GALNT3: variants seen among roughly 807,000 people sequenced by gnomAD.
The protein encoded by GALNT3 is GalNAc transferase 3.
In GALNT3, 51 loss-of-function variants were observed where a neutral mutation model predicts 69.8. That is an observed-to-expected ratio of 0.73 (90% CI 0.58 to 0.92). The LOEUF is 0.92. Among genes scored for constraint, GALNT3 ranks in the 40% least tolerant of loss-of-function variants. GALNT3 has a pLI of 0.00. For missense variants in GALNT3, 711 were observed against 760.0 expected (o/e 0.94, Z 0.76); for synonymous variants, 265 against 248.5 (o/e 1.07, Z -0.63).
Position 165,748,658 on chromosome 2 carries a change from A to T in GALNT3, c.*123T>A. 1.1e-6 allele frequency: 1 copy of T among 901,002 alleles called. No individual in the cohort carries two copies. Among genetic ancestry groups the T allele is most frequent in the Non-Finnish European group, 1.7e-6 (1 of 587,928 alleles). 55.8% of individuals were successfully genotyped at this position (901,002 alleles called of 1,614,324 possible). Reference sequence around the variant, plus strand: ...TGCTACATAAAGATATAAATAAGAAAAATGCACTTGGAATAAGTTACATTT... The same window carrying T: ...TGCTACATAAAGATATAAATAAGAATAATGCACTTGGAATAAGTTACATTT... On this transcript the variant is annotated 3_prime_UTR_variant, in exon 11 of 11. Coordinates refer to ENST00000392701, the MANE Select transcript of GALNT3 (RefSeq NM_004482.4).
At chr2:165,786,032 T>C (rs1045357269) in intron 1 of GALNT3, among the ~76,000 whole-genome samples, 1 of 151,738 alleles carries the variant, frequency 6.6e-6, no homozygotes, top group African/African-American at 2.4e-5. Flanking sequence ...TAGTAAACAA[T>C]ATCTATGTAA....
In GALNT3 at chr2:165,758,886, A is replaced by G. The variant is rs1367504356; in HGVS notation, c.1074-22T>C. 3.5e-6 allele frequency: 5 copies of G among 1,423,896 alleles called. No homozygotes were observed. In the Admixed American group the frequency reaches 6.7e-5, roughly 19 times the overall value. The allele number at this position is 1,423,896 out of a possible 1,614,324, so 88.2% of individuals were successfully genotyped here. ...TGTTCTGAAAAATAATCCATTGTCA[A>G]ATTTTGTTATAAAAACTAAACAAGA... On this transcript the variant is annotated intron_variant, in intron 5 of 10. Transcript: ENST00000392701.
At chr2:165,768,607 G>T (rs1035126392) in intron 2 of GALNT3, among the ~76,000 whole-genome samples, 1 of 152,138 alleles carries the variant, frequency 6.6e-6, no homozygotes, top group African/African-American at 2.4e-5. Context: ...AAGCTACACA[G>T]TTTCAATGTT....
At chr2:165,776,517 C>T (rs148987190) in intron 1 of GALNT3, among the ~76,000 whole-genome samples, 1 of 150,962 alleles carries the variant, frequency 6.6e-6, no homozygotes, top group East Asian at 1.9e-4. Context: ...AGTCAAAAAT[C>T]ATGAAATAGT....
intron 1 of GALNT3, chr2:165,793,789 G>T (rs1683403661): frequency 6.5e-6 from 1 of 152,914 alleles, no homozygotes; most frequent in Admixed American, 6.5e-5. Flanking sequence ...CCGTGGGCGA[G>T]AGGGTGTGAC....
chr2:165,770,650 A>G lies in GALNT3; in HGVS notation c.51T>C (p.His17=), dbSNP rs149612790. ...CTGCACCAAGCTTCCAGAACTTTTT[A>G]TGGTAATGTCTTTTAATGTGTAATT... ...LVKLHIKRHY[H]KKFWKLGAVI... is the part of the protein sequence containing the mutation. The change falls in exon 2 of 11, where the codon CAT becomes CAC. Residue 17 remains histidine, a synonymous_variant. Transcript: ENST00000392701. The G allele has an allele frequency of 2.8e-4, 448 of 1,601,398 alleles. 1 individual carries two copies. Among genetic ancestry groups the G allele is most frequent in the Non-Finnish European group, 3.6e-4 (429 of 1,177,104 alleles).
rs1688504346 is a variant in GALNT3 at position 165,759,471 on chromosome 2, G to A, written c.938C>T (p.Thr313Met). 5 of 1,613,990 alleles carry A rather than the reference G, an allele frequency of 3.1e-6. No homozygotes were observed. The highest frequency in any genetic ancestry group is 1.1e-5 in the South Asian group (1 of 91,080). The change falls in exon 5 of 11, where the codon ACG (threonine) becomes ATG (methionine). Residue 313 changes from threonine to methionine, a missense_variant. Coordinates refer to ENST00000392701, the MANE Select transcript of GALNT3 (RefSeq NM_004482.4). ...SPDIASIDLN[T>M]FEFNKPSPYG... ...AGGAGAAGGTTTGTTGAATTCAAAC[G>A]TGTTCAGATCTATGGATGCAATATC...
At chr2:165,771,868 C>A (rs1193151355) in intron 1 of GALNT3, among the ~76,000 whole-genome samples, 1 of 152,192 alleles carries the variant, frequency 6.6e-6, no homozygotes, top group Non-Finnish European at 1.5e-5. Context: ...AAGATGGATT[C>A]TCTGGCTTTT....
chr2:165,778,282 G>A (rs535437548), intron 1 of GALNT3, among the ~76,000 whole-genome samples: 1 of 152,282 alleles, frequency 6.6e-6, no homozygotes, highest in South Asian at 2.1e-4. Context: ...GAGTGATTTA[G>A]GTGGATCCAG....
At chr2:165,779,830 T>G (rs1372346667) in intron 1 of GALNT3, among the ~76,000 whole-genome samples, 1 of 152,228 alleles carries the variant, frequency 6.6e-6, no homozygotes, top group Non-Finnish European at 1.5e-5. Context: ...ATAATGAATA[T>G]CTATGGCTTC....
intron 2 of GALNT3, among the ~76,000 whole-genome samples, chr2:165,767,715 G>A (rs1688668102): frequency 6.6e-6 from 1 of 152,008 alleles, no homozygotes. Context: ...TGAAAAACCT[G>A]GCACATAGAA....
At position 165,748,688 on chromosome 2, in the gene GALNT3, G is replaced by A. The variant is rs1688302384; in HGVS notation, c.*93C>T. 3 of 1,176,002 alleles carry A rather than the reference G, an allele frequency of 2.6e-6. No homozygotes were observed. The highest frequency in any genetic ancestry group is 1.5e-5 in the African/African-American group (1 of 65,990). 72.8% of individuals were successfully genotyped at this position (1,176,002 alleles called of 1,614,324 possible). A position where few individuals can be genotyped will look rare whatever the true frequency, so the allele number is the denominator to read the frequency against. On this transcript the variant is annotated 3_prime_UTR_variant, in exon 11 of 11. Transcript: ENST00000392701. ...CACTTGGAATAAGTTACATTTAGCTGCTTTTGCATAATTTTCAAAAACTAC... is the reference window on the plus strand; with the variant it reads ...CACTTGGAATAAGTTACATTTAGCTACTTTTGCATAATTTTCAAAAACTAC...
At chr2:165,769,978 T>A in intron 2 of GALNT3, 4 of 609,998 alleles carry the variant, frequency 6.6e-6, no homozygotes, top group Non-Finnish European at 1.2e-5. Flanking sequence ...TAATAACTTT[T>A]CATATCTGCA....
chr2:165,785,700 A>G (rs928938940), intron 1 of GALNT3, among the ~76,000 whole-genome samples: 1 of 152,192 alleles, frequency 6.6e-6, no homozygotes, highest in African/African-American at 2.4e-5. Flanking sequence ...CAAAAGTCAT[A>G]GTATCTAAGG....
chr2:165,788,904 G>A (rs1683286767), intron 1 of GALNT3, among the ~76,000 whole-genome samples: 1 of 152,200 alleles, frequency 6.6e-6, no homozygotes, highest in Non-Finnish European at 1.5e-5. Flanking sequence ...TTAAGTGAGA[G>A]AGAGAATTTG....
chr2:165,780,368 C>G (rs1004194420), intron 1 of GALNT3, among the ~76,000 whole-genome samples: 6 of 152,168 alleles, frequency 3.9e-5, no homozygotes, highest in African/African-American at 1.4e-4. Flanking sequence ...TACCTTGTCA[C>G]CAATCTTCCA....
chr2:165,759,622 CT>C, intron 4 of GALNT3, 52 bp from the exon 5 acceptor site: 1 of 1,381,600 alleles, frequency 7.2e-7, no homozygotes, highest in Non-Finnish European at 1.0e-6. Context: ...AAGTTTTTTT[CT>C]TTAGTTATTT....
intron 10 of GALNT3, 134 bp downstream of exon 10, chr2:165,749,608 A>AT (rs1688319999): frequency 1.2e-6 from 1 of 844,964 alleles, no homozygotes; most frequent in Non-Finnish European, 2.0e-6. Context: ...GTAGAAACAC[A>AT]TAATAACAAA....
At chr2:165,769,278 T>G (rs188610797) in intron 2 of GALNT3, among the ~76,000 whole-genome samples, 1,561 of 146,492 alleles carry the variant, frequency 0.011, 38 homozygotes, top group African/African-American at 0.036. Context: ...TGGTGCCACA[T>G]GCCTGTAGTC....
Sources: gnomAD v4.1 joint callset for allele counts (sites outside exome capture counted in the v4.1 genomes callset) on GRCh38, gnomAD v4.1.1 for gene constraint, MANE v1.5 for transcripts, NCBI Gene and HGNC (gene_info 2026-07-23, HGNC 2026-07-21) for gene names.